Variants in GRIK2 observed in about 807,000 individuals in gnomAD.
GRIK2 encodes the protein glutamate receptor ionotropic, kainate 2.
A neutral mutation model predicts 100.3 loss-of-function variants in GRIK2; 32 were observed. The ratio of observed to expected loss-of-function variants is 0.32; its 90% CI spans 0.24 to 0.43. GRIK2 has a LOEUF of 0.43. Ranked by LOEUF, GRIK2 falls within the 20% of genes least tolerant of loss-of-function variation. The pLI is 1.00. For missense variants in GRIK2, 843 were observed against 1,114.9 expected (o/e 0.76, Z 3.47); for synonymous variants, 417 against 389.4 (o/e 1.07, Z -0.83).
chr6:101,794,318 T>C (rs939123496), intron 7 of GRIK2, among the ~76,000 whole-genome samples: 2 of 152,140 alleles, frequency 1.3e-5, no homozygotes, highest in Non-Finnish European at 2.9e-5. Context: ...CGCTGGGAGC[T>C]GTAGACCGGA....
At chr6:101,463,289 T>A (rs1771440256) in intron 2 of GRIK2, among the ~76,000 whole-genome samples, 1 of 152,164 alleles carries the variant, frequency 6.6e-6, no homozygotes, top group Non-Finnish European at 1.5e-5. Context: ...TATCTTTGAA[T>A]AATATTTGTT....
intron 7 of GRIK2, among the ~76,000 whole-genome samples, chr6:101,792,801 T>G (rs9498707): frequency 0.27 from 40,578 of 151,512 alleles, 7,307 homozygotes; most frequent in East Asian, 0.68. Flanking sequence ...CCTGCAGAGT[T>G]TTTTCCAACT....
intron 4 of GRIK2, among the ~76,000 whole-genome samples, chr6:101,636,391 C>G (rs1384322026): frequency 1.3e-5 from 2 of 151,948 alleles, no homozygotes; most frequent in Admixed American, 6.6e-5. Context: ...GGGAGAAACT[C>G]CTAAGGTAGA....
intron 2 of GRIK2, among the ~76,000 whole-genome samples, chr6:101,513,628 A>G (rs781475301): frequency 3.3e-5 from 5 of 152,154 alleles, no homozygotes; most frequent in Non-Finnish European, 5.9e-5. Flanking sequence ...TGGAAAGTAA[A>G]TAATGATATA....
chr6:101,617,278 A>G (rs908925627), intron 2 of GRIK2, among the ~76,000 whole-genome samples: 1 of 151,768 alleles, frequency 6.6e-6, no homozygotes, highest in African/African-American at 2.4e-5. Flanking sequence ...TCCCAAAAGC[A>G]CATCATGCTC....
At chr6:101,606,470 G>GAAC (rs1383886597) in intron 2 of GRIK2, among the ~76,000 whole-genome samples, 2 of 151,898 alleles carry the variant, frequency 1.3e-5, no homozygotes, top group African/African-American at 2.4e-5. Flanking sequence ...GAGTTAGATA[G>GAAC]AACAGCATGA....
chr6:101,588,050 A>G (rs1182442701), intron 2 of GRIK2, among the ~76,000 whole-genome samples: 1 of 152,128 alleles, frequency 6.6e-6, no homozygotes. Flanking sequence ...TATCATGGGT[A>G]AGATCAGTAC....
At chr6:101,707,785 C>T (rs1018978533) in intron 7 of GRIK2, among the ~76,000 whole-genome samples, 11 of 150,936 alleles carry the variant, frequency 7.3e-5, no homozygotes, top group African/African-American at 2.7e-4. Context: ...TGATTCTCAC[C>T]AAAAAAATCA....
intron 15 of GRIK2, among the ~76,000 whole-genome samples, chr6:102,050,877 C>T (rs1047999101): frequency 6.6e-6 from 1 of 151,914 alleles, no homozygotes; most frequent in Admixed American, 6.6e-5. Flanking sequence ...ATAAACCCAG[C>T]AAGTTAGCTC....
intron 14 of GRIK2, among the ~76,000 whole-genome samples, chr6:101,961,038 G>A (rs989979004): frequency 6.6e-6 from 1 of 152,104 alleles, no homozygotes; most frequent in African/African-American, 2.4e-5. Flanking sequence ...ACCTTGACTG[G>A]AGTGACAGGG....
chr6:101,546,764 A>G (rs933229775), intron 2 of GRIK2, among the ~76,000 whole-genome samples: 15 of 151,844 alleles, frequency 9.9e-5, no homozygotes, highest in African/African-American at 3.4e-4. Flanking sequence ...GTGCCTCTTA[A>G]AAGAGCCAGT....
intron 2 of GRIK2, among the ~76,000 whole-genome samples, chr6:101,432,782 G>C (rs1769481790): frequency 6.6e-6 from 1 of 152,104 alleles, no homozygotes; most frequent in African/African-American, 2.4e-5. Flanking sequence ...GACCATATAA[G>C]CTAGGCTATT....
intron 7 of GRIK2, among the ~76,000 whole-genome samples, chr6:101,735,703 C>A (rs980012693): frequency 1.3e-5 from 2 of 152,136 alleles, no homozygotes; most frequent in East Asian, 3.9e-4. Context: ...ATTATGAGAG[C>A]TATAAGATGA....
intron 2 of GRIK2, among the ~76,000 whole-genome samples, chr6:101,463,124 G>T (rs978180726): frequency 1.3e-5 from 2 of 151,964 alleles, no homozygotes; most frequent in Non-Finnish European, 2.9e-5. Flanking sequence ...TGAATTAAGT[G>T]GAGCAATATG....
chr6:101,772,366 G>A (rs1430660328), intron 7 of GRIK2, among the ~76,000 whole-genome samples: 1 of 152,180 alleles, frequency 6.6e-6, no homozygotes, highest in African/African-American at 2.4e-5. Flanking sequence ...GGACTGAAGT[G>A]GAAGAGGATT....
chr6:101,606,788 G>A (rs1779455779), intron 2 of GRIK2, among the ~76,000 whole-genome samples: 1 of 151,952 alleles, frequency 6.6e-6, no homozygotes, highest in African/African-American at 2.4e-5. Context: ...GATGCAATCA[G>A]TGTACCTAGC....
chr6:102,036,256 C>CATATATAT (rs1481893170), intron 15 of GRIK2, among the ~76,000 whole-genome samples: 170 of 150,960 alleles, frequency 1.1e-3, no homozygotes, highest in African/African-American at 4.0e-3. Context: ...CACACACACA[C>CATATATAT]ACACATATAT....
chr6:102,027,677 G>A (rs1769774203), intron 14 of GRIK2, among the ~76,000 whole-genome samples: 1 of 151,006 alleles, frequency 6.6e-6, no homozygotes, highest in African/African-American at 2.4e-5. Context: ...CCTTGCTTTA[G>A]GAGGTTACAC....
chr6:101,883,016 T>C (rs1023437872), intron 11 of GRIK2, among the ~76,000 whole-genome samples: 1 of 151,186 alleles, frequency 6.6e-6, no homozygotes, highest in Non-Finnish European at 1.5e-5. Flanking sequence ...TTTTTTAAAA[T>C]TATTTTTTAT....
Sources: allele counts gnomAD v4.1 joint callset (sites outside exome capture counted in the v4.1 genomes callset), GRCh38; gene constraint gnomAD v4.1.1; transcripts MANE v1.5; gene names NCBI Gene and HGNC (gene_info 2026-07-23, HGNC 2026-07-21).